The following MED30 variants were observed in gnomAD, a reference collection of about 807,000 sequenced individuals.
The protein encoded by MED30 is mediator of RNA polymerase II transcription subunit 30.
MED30 carries 8 observed loss-of-function variants against 21.7 expected under a neutral mutation model. The ratio of observed to expected loss-of-function variants is 0.37; its 90% CI spans 0.22 to 0.67. The LOEUF (loss-of-function observed/expected upper bound fraction) is 0.67. MED30 is among the 30% of genes least tolerant of loss of function. The pLI, the probability that MED30 is intolerant of heterozygous loss-of-function variation, is 0.58. For synonymous variants in MED30, 79 were observed against 86.7 expected, an observed-to-expected ratio of 0.91 and a Z score of 0.49; for missense variants, 203 against 228.2, an observed-to-expected ratio of 0.89 and a Z score of 0.71.
intron 2 of MED30, 31 bp downstream of exon 2, chr8:117,528,840 A>T (rs1264057889): frequency 2.6e-6 from 4 of 1,548,396 alleles, no homozygotes; most frequent in Non-Finnish European, 3.5e-6. Context: ...GAGGATGAAT[A>T]TAAGGTGTGA....
chr8:117,530,931 A>C, intron 3 of MED30, 104 bp downstream of exon 3: 1 of 815,232 alleles, frequency 1.2e-6, no homozygotes. Context: ...AAATTACATG[A>C]AGTTGTTTCT....
chr8:117,521,105 C>A, intron 1 of MED30, 52 bp downstream of exon 1: 1 of 1,491,846 alleles, frequency 6.7e-7, no homozygotes, highest in Non-Finnish European at 9.0e-7. Flanking sequence ...AGGGAAAGGG[C>A]CTCTGGTTTC....
chr8:117,528,832 G>A (rs1818757864), intron 2 of MED30, 23 bp downstream of exon 2: 1 of 1,571,630 alleles, frequency 6.4e-7, no homozygotes. Context: ...GATAGAGGGA[G>A]GATGAATATA....
intron 2 of MED30, chr8:117,530,496 C>A (rs10505295): frequency 0.15 from 49,937 of 323,922 alleles, 4,184 homozygotes; most frequent in Non-Finnish European, 0.17. Flanking sequence ...ACATGACAAC[C>A]AATGTTATAA....
chr8:117,533,580 C>T (rs1374952343), intron 3 of MED30, among the ~76,000 whole-genome samples: 1 of 152,026 alleles, frequency 6.6e-6, no homozygotes, highest in Non-Finnish European at 1.5e-5. Context: ...GTCATATTTC[C>T]TTGATTGAAT....
rs780837444 is a variant in MED30 at position 117,530,803 on chromosome 8, G to A, written c.417G>A (p.Arg139=). 8.6e-5 allele frequency: 139 copies of A among 1,610,120 alleles called. No individual in the cohort carries two copies. Among genetic ancestry groups the A allele is most frequent in the Non-Finnish European group, 1.1e-4 (134 of 1,177,634 alleles). The change falls in exon 3 of 4, where the codon AGG becomes AGA. Residue 139 remains arginine (R), a synonymous_variant. Transcript: ENST00000297347. ...CACCTCGTTTTGCTAGTGAAGAGAG[G>A]CGAGAAATTGCTGAAGTAAATAAAG... is the stretch of plus-strand genomic sequence containing the variant. ...AGPPRFASEE[R]REIAEVNKKL... is the part of the protein sequence containing the mutation.
At chr8:117,535,641 A>G (rs1384912248) in intron 3 of MED30, among the ~76,000 whole-genome samples, 2 of 152,120 alleles carry the variant, frequency 1.3e-5, no homozygotes, top group Non-Finnish European at 2.9e-5. Flanking sequence ...CATAGATGCT[A>G]TTAAAAATAA....
chr8:117,528,556 C>T (rs751893204), intron 1 of MED30, 95 bp from the exon 2 acceptor site: 1 of 1,110,116 alleles, frequency 9.0e-7, no homozygotes, highest in East Asian at 2.6e-5. Context: ...CTATGCATTG[C>T]CTAAAAATTG....
chr8:117,537,242 TTAGTC>T (rs1818894312), intron 3 of MED30, among the ~76,000 whole-genome samples: 1 of 152,226 alleles, frequency 6.6e-6, no homozygotes. Context: ...TTTTAAGTAT[TTAGTC>T]TACTTACACA....
At chr8:117,523,183 A>G in intron 1 of MED30, 1 of 687,524 alleles carries the variant, frequency 1.5e-6, no homozygotes, top group South Asian at 1.7e-5. Flanking sequence ...GTGGACCTGC[A>G]TTCAAAGCCA....
chr8:117,520,801 C>G lies in MED30; in HGVS notation c.-76C>G. On this transcript the variant is annotated 5_prime_UTR_variant, in exon 1 of 4. Transcript: ENST00000297347. The stretch of plus-strand genomic sequence containing the variant: ...TCAAGCTGGTTCCAACGCTGAGGCC[C>G]CACAGCCTCCCAATTCCGGGCAGAC... 2.8e-6 allele frequency: 4 copies of G among 1,415,428 alleles called. No homozygotes were observed. In the East Asian group the frequency reaches 1.1e-4, roughly 38 times the overall value. 87.7% of individuals were successfully genotyped at this position (1,415,428 alleles called of 1,614,324 possible). A position where few individuals can be genotyped will look rare whatever the true frequency, so the allele number is the denominator to read the frequency against.
chr8:117,537,476 GCT>G (rs1818899404), intron 3 of MED30, among the ~76,000 whole-genome samples: 1 of 152,004 alleles, frequency 6.6e-6, no homozygotes, highest in Admixed American at 6.6e-5. Context: ...TTATTTGTAT[GCT>G]AATTTTTTTA....
intron 1 of MED30, among the ~76,000 whole-genome samples, chr8:117,528,127 C>T (rs1432935290): frequency 6.6e-6 from 1 of 151,640 alleles, no homozygotes; most frequent in Non-Finnish European, 1.5e-5. Flanking sequence ...TTAAGTAAAA[C>T]TTTAAATGAC....
chr8:117,536,704 G>T (rs1006258128), intron 3 of MED30, among the ~76,000 whole-genome samples: 2 of 152,126 alleles, frequency 1.3e-5, no homozygotes, highest in Admixed American at 1.3e-4. Flanking sequence ...CAAATTCGTG[G>T]TTTATTTAAA....
At position 117,520,930 on chromosome 8, in the gene MED30, G is replaced by C; in HGVS notation, c.54G>C (p.Gly18=). ...ASGMAPGPFA[G]PQAQQAAREV... ...GGATGGCGCCCGGGCCCTTCGCCGG[G>C]CCCCAGGCTCAGCAGGCCGCCCGGG... is the stretch of plus-strand genomic sequence containing the variant. Residue 18 remains glycine (G), a synonymous_variant, in exon 1 of 4, where the codon GGG becomes GGC. Coordinates refer to ENST00000297347, the MANE Select transcript of MED30 (RefSeq NM_080651.4). 6.2e-7 allele frequency: 1 copy of C among 1,611,218 alleles called. No homozygotes were observed. The highest frequency in any genetic ancestry group is 8.5e-7 in the Non-Finnish European group (1 of 1,178,900).
In MED30 at chr8:117,531,703, T is replaced by A. The variant is rs535150479; in HGVS notation, c.441+876T>A. Among the ~76,000 whole-genome samples, 83 of 152,060 alleles carry A rather than the reference T, an allele frequency of 5.5e-4. No homozygotes were observed. The Middle Eastern group carries it at 0.01, about 19-fold the overall frequency. On this transcript the variant is annotated intron_variant, in intron 3 of 3. Transcript: ENST00000297347. ...TTAGCAAGACAGTGTGTTTTTTTTT[T>A]AAATCTTTTTCTTTTAGATAAATAC...
chr8:117,521,726 C>T (rs1313998535), intron 1 of MED30, among the ~76,000 whole-genome samples: 2 of 152,078 alleles, frequency 1.3e-5, no homozygotes, highest in East Asian at 3.9e-4. Flanking sequence ...GTCTGAGATC[C>T]TTCACTAAGA....
intron 2 of MED30, chr8:117,529,010 A>G (rs575239141): frequency 2.3e-4 from 79 of 343,672 alleles, no homozygotes; most frequent in Non-Finnish European, 3.2e-4. Context: ...AATTTCTTGT[A>G]GACTTTGACA....
chr8:117,538,628 T>C (rs376573710), intron 3 of MED30, among the ~76,000 whole-genome samples: 5 of 152,154 alleles, frequency 3.3e-5, no homozygotes, highest in South Asian at 2.1e-4. Context: ...CAAGGGGTTA[T>C]TGAATAATAA....
Sources: allele counts gnomAD v4.1 joint callset (sites outside exome capture counted in the v4.1 genomes callset), GRCh38; gene constraint gnomAD v4.1.1; transcripts MANE v1.5; gene names NCBI Gene and HGNC (gene_info 2026-07-23, HGNC 2026-07-21).